RPTOR: variants seen among roughly 807,000 people sequenced by gnomAD.
RPTOR encodes the protein regulatory-associated protein of mTOR.
Under a neutral mutation model 169.9 loss-of-function variants are expected in RPTOR, and 21 were observed. That is an observed-to-expected ratio of 0.12 (90% CI 0.09 to 0.18). The LOEUF (loss-of-function observed/expected upper bound fraction) is 0.18, where lower values mean the gene tolerates loss of function less well. Among genes scored for constraint, RPTOR ranks in the 10% least tolerant of loss-of-function variants. The probability of loss-of-function intolerance (pLI) is 1.00; values close to 1 mark genes in which losing one functional copy is unlikely to be tolerated. For synonymous variants in RPTOR, 732 were observed against 753.2 expected (o/e 0.97, Z 0.46); for missense variants, 1,133 against 1,855.9 (o/e 0.61, Z 7.16).
chr17:80,895,405 T>C lies in RPTOR; in HGVS notation c.2401+1540T>C, dbSNP rs541358890. ...TGCTTTATTTTTCTCCTGAGGACTG[T>C]GGACTGCAGACGTGCTGTACGTGTA... On this transcript the variant is annotated intron_variant, in intron 20 of 33. Transcript: ENST00000306801. 3.3e-5 allele frequency among the ~76,000 whole-genome samples: 5 copies of C among 152,350 alleles called. No individual in the cohort carries two copies. The East Asian group carries it at 9.6e-4, about 29-fold the overall frequency.
chr17:80,707,844 C>T lies in RPTOR; in HGVS notation c.352C>T (p.Arg118Trp), dbSNP rs1463759489. 2.5e-6 allele frequency: 4 copies of T among 1,610,450 alleles called. No individual in the cohort carries two copies. Among genetic ancestry groups the T allele is most frequent in the African/African-American group, 1.3e-5 (1 of 74,816 alleles). ...KQYENWQPRA[R>W]YKQSLDPTVD... ...TTCATTTCTTCTCCTGCAACAGGCC[C>T]GGTACAAGCAGAGCCTTGACCCAAC... The change falls in exon 4 of 34, where the codon CGG (arginine) becomes TGG (tryptophan). Residue 118 changes from arginine (R) to tryptophan (W), a missense_variant. Arg to Trp is a moderately radical substitution (Grantham distance 101). Coordinates refer to ENST00000306801, the MANE Select transcript of RPTOR (RefSeq NM_020761.3). The surrounding 1 kb of genome is among the most constrained non-coding windows in gnomAD (Gnocchi z 5.0).
Position 80,778,250 on chromosome 17 carries a change from A to C in RPTOR, c.831-13200A>C, listed in dbSNP as rs890643325. On this transcript the variant is annotated intron_variant, in intron 6 of 33. Coordinates refer to ENST00000306801, the MANE Select transcript of RPTOR (RefSeq NM_020761.3). ...GGAGCCTGATGTTAATGACAGATAA[A>C]AATTGATGTCAGATAGAAAATTAAC... Among the ~76,000 whole-genome samples, 3 of 152,290 alleles carry C rather than the reference A, an allele frequency of 2.0e-5. No individual in the cohort carries two copies. The East Asian group carries it at 5.8e-4, about 29-fold the overall frequency.
At chr17:80,942,986 CG>C (rs1300143802) in intron 25 of RPTOR, among the ~76,000 whole-genome samples, 2 of 152,276 alleles carry the variant, frequency 1.3e-5, no homozygotes. Context: ...CCAAAGCCTT[CG>C]GGCCTGCCTG....
chr17:80,903,899 A>T (rs1323311404), intron 20 of RPTOR, among the ~76,000 whole-genome samples: 1 of 152,264 alleles, frequency 6.6e-6, no homozygotes, highest in African/African-American at 2.4e-5. Flanking sequence ...AAAAGGCTTC[A>T]CAACCCAGAA....
At chr17:80,585,610 T>G (rs1029108739) in intron 1 of RPTOR, among the ~76,000 whole-genome samples, 1 of 152,226 alleles carries the variant, frequency 6.6e-6, no homozygotes, top group Non-Finnish European at 1.5e-5. Flanking sequence ...AGCACTTGCG[T>G]AGGGTGGTCC....
rs183440024 is a variant in RPTOR at position 80,749,758 on chromosome 17, G to C, written c.655-4252G>C. 1.0e-3 allele frequency among the ~76,000 whole-genome samples: 159 copies of C among 152,264 alleles called. 2 individuals carry two copies. The highest frequency in any genetic ancestry group is 3.6e-3 in the African/African-American group (151 of 41,540). The stretch of plus-strand genomic sequence containing the variant: ...GAGATGGCTTTGCTCTGTCACCCAG[G>C]CTGGAGTGCAGTGGTGCCACCACAG... On this transcript the variant is annotated intron_variant, in intron 5 of 33. Transcript: ENST00000306801.
Position 80,633,171 on chromosome 17 carries a change from A to G in RPTOR, c.265+7378A>G, listed in dbSNP as rs2065455124. Among the ~76,000 whole-genome samples the G allele has an allele frequency of 6.6e-6, 1 of 152,214 alleles. No homozygotes were observed. The highest frequency in any genetic ancestry group is 2.4e-5 in the African/African-American group (1 of 41,456). ...AAGCTGTTTCCTTTCTGATTCTCTGAGAGAAGGCGGCTGACATGGTGCTTC... is the reference window on the plus strand; with the variant it reads ...AAGCTGTTTCCTTTCTGATTCTCTGGGAGAAGGCGGCTGACATGGTGCTTC... On this transcript the variant is annotated intron_variant, in intron 2 of 33. Coordinates refer to ENST00000306801, the MANE Select transcript of RPTOR (RefSeq NM_020761.3). The surrounding 1 kb of genome is among the most constrained non-coding windows in gnomAD (Gnocchi z 4.1).
At chr17:80,697,512 C>T (rs1028677899) in intron 3 of RPTOR, among the ~76,000 whole-genome samples, 2 of 152,206 alleles carry the variant, frequency 1.3e-5, no homozygotes, top group African/African-American at 4.8e-5. Context: ...ACCTTGTGAG[C>T]CCCAGGGAGC....
chr17:80,605,337 T>G (rs1458484650), intron 1 of RPTOR, among the ~76,000 whole-genome samples: 1 of 152,192 alleles, frequency 6.6e-6, no homozygotes, highest in African/African-American at 2.4e-5. Flanking sequence ...GGCAGGTGTA[T>G]AACCTCTCAG....
chr17:80,827,484 C>G (rs1055808380), intron 9 of RPTOR, among the ~76,000 whole-genome samples: 1 of 152,224 alleles, frequency 6.6e-6, no homozygotes, highest in Admixed American at 6.5e-5. Context: ...TCAGAGCCAG[C>G]GCAGGAGCCG....
chr17:80,687,618 C>A (rs138772952), intron 3 of RPTOR, among the ~76,000 whole-genome samples: 1 of 152,174 alleles, frequency 6.6e-6, no homozygotes, highest in Non-Finnish European at 1.5e-5. Flanking sequence ...TGTTGTACCT[C>A]GGTGTCTGCG....
At chr17:80,802,170 G>A (rs7214655) in intron 7 of RPTOR, 33,734 of 152,078 alleles carry the variant, frequency 0.22, 4,148 homozygotes, top group African/African-American at 0.32. Context: ...GAGATCTTCC[G>A]TTTCCTTCAC....
intron 5 of RPTOR, among the ~76,000 whole-genome samples, chr17:80,737,282 C>T (rs1019814838): frequency 3.3e-5 from 5 of 152,194 alleles, no homozygotes; most frequent in Admixed American, 2.6e-4. Flanking sequence ...AAGTAGGGGG[C>T]GCTGGCTGCT....
chr17:80,708,632 T>C lies in RPTOR; in HGVS notation c.507+633T>C, dbSNP rs571289702. 0.075 allele frequency among the ~76,000 whole-genome samples: 10,742 copies of C among 143,488 alleles called. 721 individuals are homozygous for C. The highest frequency in any genetic ancestry group is 0.12 in the African/African-American group (4,346 of 36,836). 94.1% of individuals were successfully genotyped at this position (143,488 alleles called of 152,430 possible). A position where few individuals can be genotyped will look rare whatever the true frequency, so the allele number is the denominator to read the frequency against. On this transcript the variant is annotated intron_variant, in intron 4 of 33. Coordinates refer to ENST00000306801, the MANE Select transcript of RPTOR (RefSeq NM_020761.3). The surrounding 1 kb of genome is among the most constrained non-coding windows in gnomAD (Gnocchi z 4.2). Reference sequence around the variant, plus strand: ...GTGGTGGGTGCTGACTGTCTCCTCATCCTCCAGGGTGTGGTGGGTGCTGAC... The same window carrying C: ...GTGGTGGGTGCTGACTGTCTCCTCACCCTCCAGGGTGTGGTGGGTGCTGAC...
intron 17 of RPTOR, among the ~76,000 whole-genome samples, chr17:80,890,899 C>T (rs1048742817): frequency 3.3e-5 from 5 of 152,234 alleles, no homozygotes; most frequent in East Asian, 1.9e-4. Context: ...CTCATCCAGC[C>T]GCTGTGGAGA....
chr17:80,734,485 A>G (rs2066418781), intron 5 of RPTOR, among the ~76,000 whole-genome samples: 1 of 152,200 alleles, frequency 6.6e-6, no homozygotes. Context: ...TCAGTATTTG[A>G]AGCAGTGGAA....
chr17:80,898,930 G>A (rs188090169), intron 20 of RPTOR, among the ~76,000 whole-genome samples: 212 of 152,148 alleles, frequency 1.4e-3, no homozygotes, highest in Admixed American at 2.9e-3. Context: ...CGCCAAGGCA[G>A]TTCCCACCGG....
intron 1 of RPTOR, among the ~76,000 whole-genome samples, chr17:80,548,333 G>GGATTACA (rs1311133684): frequency 6.8e-6 from 1 of 147,336 alleles, no homozygotes. Flanking sequence ...AAAAATGCTA[G>GGATTACA]GATTACAGGC....
At chr17:80,640,457 G>A (rs767039365) in intron 2 of RPTOR, among the ~76,000 whole-genome samples, 11 of 152,174 alleles carry the variant, frequency 7.2e-5, no homozygotes, top group Non-Finnish European at 1.5e-4. Flanking sequence ...CCCACCCACT[G>A]CCCTATTCTT....
Sources: gnomAD v4.1 joint callset for allele counts (sites outside exome capture counted in the v4.1 genomes callset) on GRCh38, gnomAD v4.1.1 for gene constraint, Gnocchi (gnomAD v3.1) non-coding constraint, MANE v1.5 for transcripts, NCBI Gene and HGNC (gene_info 2026-07-23, HGNC 2026-07-21) for gene names.